The following CCDC27 variants were observed in gnomAD, a reference collection of about 807,000 sequenced individuals.
CCDC27 encodes coiled-coil domain containing 27.
CCDC27 carries 80 observed loss-of-function variants against 80.3 expected under a neutral mutation model. The ratio of observed to expected loss-of-function variants is 1.00; its 90% CI spans 0.83 to 1.20. The LOEUF is 1.20. CCDC27 is among the 50% of genes most tolerant of loss of function. The probability of loss-of-function intolerance (pLI) is 0.00; values close to 1 mark genes in which losing one functional copy is unlikely to be tolerated. For missense variants in CCDC27, 815 were observed against 809.4 expected (o/e 1.01, Z -0.08); for synonymous variants, 342 against 334.3 (o/e 1.02, Z -0.25).
At chr1:3,754,079 G>C (rs1642891487) in intron 1 of CCDC27, 39 bp from the exon 2 acceptor site, 1 of 1,605,230 alleles carries the variant, frequency 6.2e-7, no homozygotes, top group Admixed American at 1.7e-5. Flanking sequence ...CTACAGTCAG[G>C]GGCCTTCCTT....
At chr1:3,771,216 T>C (rs903542094) in intron 11 of CCDC27, among the ~76,000 whole-genome samples, 185 bp from the exon 12 acceptor site, 20 of 152,142 alleles carry the variant, frequency 1.3e-4, no homozygotes, top group African/African-American at 2.4e-5. Flanking sequence ...CGAGGGTTGT[T>C]TGTTTTTTCT....
At chr1:3,762,400 G>A (rs187353775) in intron 5 of CCDC27, among the ~76,000 whole-genome samples, 50 of 152,254 alleles carry the variant, frequency 3.3e-4, no homozygotes, top group Non-Finnish European at 6.2e-4. Context: ...GGGCTGCTCT[G>A]GGGGTGCCTA....
intron 2 of CCDC27, 86 bp downstream of exon 2, chr1:3,754,327 C>G: frequency 6.9e-7 from 1 of 1,441,632 alleles, no homozygotes; most frequent in South Asian, 1.5e-5. Flanking sequence ...CTTCAGCCTG[C>G]GAGCAGCCGC....
chr1:3,759,134 T>C (rs1643029679), intron 4 of CCDC27, among the ~76,000 whole-genome samples: 1 of 152,072 alleles, frequency 6.6e-6, no homozygotes, highest in Non-Finnish European at 1.5e-5. Context: ...GGAGAATCAC[T>C]TGAATCCAGG....
rs958919612 is a variant in CCDC27, at chr1:3,763,595, C to G, written c.1322-111C>G. On this transcript the variant is annotated intron_variant, in intron 7 of 11. Coordinates refer to ENST00000294600, the MANE Select transcript of CCDC27 (RefSeq NM_152492.3). The surrounding 1 kb of genome is among the most constrained non-coding windows in gnomAD (Gnocchi z 7.5). ...CTGGAGCAGGGGCAGGTGTCGGCAG[C>G]CTCACCCAGGCTGGCAGAGCCCTCC... 2 of 1,563,448 alleles carry G rather than the reference C, an allele frequency of 1.3e-6. No individual in the cohort carries two copies. The highest frequency in any genetic ancestry group is 1.7e-6 in the Non-Finnish European group (2 of 1,148,984).
Position 3,762,657 on chromosome 1 carries a change from T to C in CCDC27, c.899T>C (p.Leu300Pro). Residue 300 changes from leucine to proline, a missense_variant, in exon 6 of 12, where the codon CTG becomes CCG. Transcript: ENST00000294600. ...LSDASLKLGRLSLLKAFSRHE... is the reference protein window; with the variant it reads ...LSDASLKLGRPSLLKAFSRHE... ...GACGCTTCGCTGAAGCTGGGCAGGCTGAGCCTCCTGAAGGCCTTCTCCAGA... is the reference window on the plus strand; with the variant it reads ...GACGCTTCGCTGAAGCTGGGCAGGCCGAGCCTCCTGAAGGCCTTCTCCAGA... The C allele has an allele frequency of 1.3e-6, 2 of 1,550,258 alleles. No individual in the cohort carries two copies. The highest frequency in any genetic ancestry group is 1.7e-6 in the Non-Finnish European group (2 of 1,146,796).
intron 1 of CCDC27, among the ~76,000 whole-genome samples, chr1:3,753,302 G>A (rs1297766330): frequency 6.7e-6 from 1 of 149,488 alleles, no homozygotes; most frequent in Non-Finnish European, 1.5e-5. Flanking sequence ...GTGGACTATG[G>A]TTTCTTTTTT....
At position 3,763,336 on chromosome 1, in the gene CCDC27, A is replaced by AT. The variant is rs1189650827; in HGVS notation, c.1184dup (p.Arg397GlnfsTer12). 6.2e-7 allele frequency: 1 copy of AT among 1,612,866 alleles called. No individual in the cohort carries two copies. On this transcript the variant is annotated frameshift_variant, in exon 7 of 12. Transcript: ENST00000294600. LOFTEE classifies it high-confidence loss of function. This position sits in a 1 kb window ranked among gnomAD's most constrained non-coding sequence, Gnocchi z 7.5. ...AAGGGAGCTGCCGGAGGAAGAGGAG[A>AT]TCCCCAGGAGAAGGGCCTCCTCCCT...
At position 3,771,384 on chromosome 1, in the gene CCDC27, CTG is replaced by C. The variant is rs757983242; in HGVS notation, c.1849-13_1849-12del. 2.7e-5 allele frequency: 43 copies of C among 1,613,640 alleles called. No individual in the cohort carries two copies. The Middle Eastern group carries it at 8.2e-4, about 31-fold the overall frequency. On this transcript the variant is annotated splice_polypyrimidine_tract_variant and intron_variant, in intron 11 of 11. Transcript: ENST00000294600. ...GGAACTGGGAAGGCCACCTCGACGG[CTG>C]TGTTTCTTGTGTAGAGAATTATCTC... is the stretch of plus-strand genomic sequence containing the variant.
At chr1:3,758,555 G>A (rs1643016153) in intron 4 of CCDC27, among the ~76,000 whole-genome samples, 1 of 152,098 alleles carries the variant, frequency 6.6e-6, no homozygotes, top group Non-Finnish European at 1.5e-5. Flanking sequence ...CAGAGCTCAC[G>A]GCAGCCTCCA....
rs1225367482 is a variant in CCDC27 at position 3,769,569 on chromosome 1, C to T, written c.1744-214C>T. ...GAGTCTTTGGGCTTTGGGGCTGGGC[C>T]GCACAGGGTCAGGGGTTGGATCCGG... On this transcript the variant is annotated intron_variant, in intron 10 of 11. Coordinates refer to ENST00000294600, the MANE Select transcript of CCDC27 (RefSeq NM_152492.3). This position sits in a 1 kb window ranked among gnomAD's most constrained non-coding sequence, Gnocchi z 4.6. Among the ~76,000 whole-genome samples, 2 of 151,988 alleles carry T rather than the reference C, an allele frequency of 1.3e-5. No individual in the cohort carries two copies. The highest frequency in any genetic ancestry group is 1.9e-4 in the East Asian group (1 of 5,192).
At position 3,769,005 on chromosome 1, in the gene CCDC27, C is replaced by T. The variant is rs1041783839; in HGVS notation, c.1744-778C>T. ...CCGAGCGGCAGTGTGGACATGCTTC[C>T]ACTCGGAGGCAAGGCTGAGCCTCTC... On this transcript the variant is annotated intron_variant, in intron 10 of 11. Coordinates refer to ENST00000294600, the MANE Select transcript of CCDC27 (RefSeq NM_152492.3). The surrounding 1 kb of genome is among the most constrained non-coding windows in gnomAD (Gnocchi z 4.6). Among the ~76,000 whole-genome samples, 1 of 152,212 alleles carries T rather than the reference C, an allele frequency of 6.6e-6. No individual in the cohort carries two copies.
Position 3,771,272 on chromosome 1 carries a change from G to A in CCDC27, c.1849-129G>A, listed in dbSNP as rs11806330. ...AAGTATTCACCAGCACACCCCTGCTGCAGCAAGCCTCTCTGGAGGAGGAGG... is the reference window on the plus strand; with the variant it reads ...AAGTATTCACCAGCACACCCCTGCTACAGCAAGCCTCTCTGGAGGAGGAGG... On this transcript the variant is annotated intron_variant, in intron 11 of 11. Transcript: ENST00000294600. 1,031 of 1,150,614 alleles carry A rather than the reference G, an allele frequency of 9.0e-4. 6 individuals carry two copies. In the African/African-American group the frequency reaches 0.014, roughly 16 times the overall value. The allele number at this position is 1,150,614 out of a possible 1,614,324, so 71.3% of individuals were successfully genotyped here. A position where few individuals can be genotyped will look rare whatever the true frequency, so the allele number is the denominator to read the frequency against.
chr1:3,767,730 G>A (rs1643267225), intron 10 of CCDC27, among the ~76,000 whole-genome samples: 1 of 152,256 alleles, frequency 6.6e-6, no homozygotes. Context: ...TGAAGGGGTT[G>A]GATCACTGGC....
chr1:3,769,544 G>C lies in CCDC27; in HGVS notation c.1744-239G>C, dbSNP rs1048205099. ...TTAGAAAAGCCCACCTGGTGTAGGAGAGTCTTTGGGCTTTGGGGCTGGGCC... is the reference window on the plus strand; with the variant it reads ...TTAGAAAAGCCCACCTGGTGTAGGACAGTCTTTGGGCTTTGGGGCTGGGCC... On this transcript the variant is annotated intron_variant, in intron 10 of 11. Transcript: ENST00000294600. This position sits in a 1 kb window ranked among gnomAD's most constrained non-coding sequence, Gnocchi z 4.6. Among the ~76,000 whole-genome samples, 1 of 152,064 alleles carries C rather than the reference G, an allele frequency of 6.6e-6. No individual in the cohort carries two copies. The highest frequency in any genetic ancestry group is 2.4e-5 in the African/African-American group (1 of 41,392).
intron 9 of CCDC27, 47 bp from the exon 10 acceptor site, chr1:3,767,186 G>A (rs1232230021): frequency 1.3e-6 from 2 of 1,580,702 alleles, no homozygotes; most frequent in Admixed American, 1.7e-5. Context: ...ACATACTCAG[G>A]TTGGGCGAAA....
chr1:3,761,430 G>C lies in CCDC27; in HGVS notation c.861G>C (p.Arg287Ser), dbSNP rs745756388. The C allele has an allele frequency of 1.2e-6, 2 of 1,613,454 alleles. No individual in the cohort carries two copies. Among genetic ancestry groups the C allele is most frequent in the South Asian group, 1.1e-5 (1 of 91,058 alleles). ...AGACATCCATGTCCCCAGGCAGGAG[G>C]GTGAGCCAGCCCCAGCGGGGCACAG... ...GQETSMSPGR[R>S]EQLSDASLKL... Residue 287 changes from arginine (R) to serine (S), a missense_variant and splice_region_variant, in exon 5 of 12, where the codon AGG becomes AGC. Arg to Ser is a moderately radical substitution (Grantham distance 110). Coordinates refer to ENST00000294600, the MANE Select transcript of CCDC27 (RefSeq NM_152492.3). The surrounding 1 kb of genome is among the most constrained non-coding windows in gnomAD (Gnocchi z 5.0).
At chr1:3,765,969 G>A (rs549071566) in intron 8 of CCDC27, among the ~76,000 whole-genome samples, 95 of 151,730 alleles carry the variant, frequency 6.3e-4, no homozygotes, top group African/African-American at 2.1e-3. Context: ...CTCCAGAGTC[G>A]GGTGATCCTC....
chr1:3,770,570 T>G (rs932181577), intron 11 of CCDC27, among the ~76,000 whole-genome samples: 2 of 152,224 alleles, frequency 1.3e-5, no homozygotes, highest in Non-Finnish European at 2.9e-5. Flanking sequence ...TGGGGCTGTG[T>G]ACTACGAAGG....
Sources: gnomAD v4.1 joint callset for allele counts (sites outside exome capture counted in the v4.1 genomes callset) on GRCh38, gnomAD v4.1.1 for gene constraint, Gnocchi (gnomAD v3.1) non-coding constraint, MANE v1.5 for transcripts, NCBI Gene and HGNC (gene_info 2026-07-23, HGNC 2026-07-21) for gene names.